The following MYO1G variants were observed in gnomAD, a reference collection of about 807,000 sequenced individuals.
MYO1G encodes myosin IG.
A neutral mutation model predicts 115.3 loss-of-function variants in MYO1G; 65 were observed. That is an observed-to-expected ratio of 0.56 (90% CI 0.46 to 0.69). The LOEUF (loss-of-function observed/expected upper bound fraction) is 0.69, where lower values mean the gene tolerates loss of function less well. Among genes scored for constraint, MYO1G ranks in the 30% least tolerant of loss-of-function variants. The pLI is 0.00. For synonymous variants in MYO1G, 510 were observed against 552.6 expected (o/e 0.92, Z 1.08); for missense variants, 1,204 against 1,393.5 (o/e 0.86, Z 2.16).
In MYO1G at chr7:44,962,823, G is replaced by A; in HGVS notation, c.2973C>T (p.Ile991=). The A allele has an allele frequency of 1.3e-6, 2 of 1,521,506 alleles. No individual in the cohort carries two copies. Among genetic ancestry groups the A allele is most frequent in the Non-Finnish European group, 8.8e-7 (1 of 1,139,584 alleles). The allele number at this position is 1,521,506 out of a possible 1,614,324, so 94.3% of individuals were successfully genotyped here. A position where few individuals can be genotyped will look rare whatever the true frequency, so the allele number is the denominator to read the frequency against. The stretch of plus-strand genomic sequence containing the variant: ...GCTGCTCCGGCCTGGGCTCCACGGA[G>A]ATGAGGCGCCGGACCCCGCGATGGC... ...PLSHRGVRRL[I]SVEPRPEQPE... The change falls in exon 22 of 22, where the codon ATC becomes ATT. Residue 991 remains isoleucine, a synonymous_variant. Coordinates refer to ENST00000258787, the MANE Select transcript of MYO1G (RefSeq NM_033054.3). The surrounding 1 kb of genome is among the most constrained non-coding windows in gnomAD (Gnocchi z 5.3).
At chr7:44,971,227 G>T (rs1470637383) in intron 7 of MYO1G, among the ~76,000 whole-genome samples, 168 bp from the exon 8 acceptor site, 2 of 152,210 alleles carry the variant, frequency 1.3e-5, no homozygotes, top group African/African-American at 4.8e-5. Flanking sequence ...CACAGCCAGA[G>T]ACTGGGGGAA....
intron 12 of MYO1G, among the ~76,000 whole-genome samples, chr7:44,968,205 C>G (rs1794883077): frequency 6.6e-6 from 1 of 152,336 alleles, no homozygotes; most frequent in South Asian, 2.1e-4. Context: ...AAGCCCCCAG[C>G]TCTGAAGCCA....
rs769523482 is a variant in MYO1G, at chr7:44,978,952, C to T, written c.10G>A (p.Glu4Lys). Residue 4 changes from glutamate (E) to lysine (K), a missense_variant, in exon 1 of 22, where the codon GAG becomes AAG. By Grantham distance (56) the Glu-to-Lys change is moderately conservative. Coordinates refer to ENST00000258787, the MANE Select transcript of MYO1G (RefSeq NM_033054.3). MEDEEGPEYGKPDF... is the reference protein window; with the variant it reads MEDKEGPEYGKPDF... ...GGTTTGCCATACTCAGGGCCTTCCTCGTCCTCCATCCTGCCGGCTGGAAAC... is the reference window on the plus strand; with the variant it reads ...GGTTTGCCATACTCAGGGCCTTCCTTGTCCTCCATCCTGCCGGCTGGAAAC... 25 of 1,614,048 alleles carry T rather than the reference C, an allele frequency of 1.5e-5. No homozygotes were observed. The highest frequency in any genetic ancestry group is 4.0e-5 in the African/African-American group (3 of 74,950).
intron 17 of MYO1G, among the ~76,000 whole-genome samples, chr7:44,965,347 C>A (rs1794820826): frequency 6.6e-6 from 1 of 152,222 alleles, no homozygotes; most frequent in African/African-American, 2.4e-5. Flanking sequence ...CCTACTCAGC[C>A]CTCAAGACCC....
At position 44,965,163 on chromosome 7, in the gene MYO1G, G is replaced by A. The variant is rs1306093031; in HGVS notation, c.2382-74C>T. The A allele has an allele frequency of 7.1e-6, 11 of 1,540,766 alleles. No individual in the cohort carries two copies. The East Asian group carries it at 9.1e-5, about 13-fold the overall frequency. ...CTCCCTGAGCCCCCTCTCCACAGAGGAAGCTGAGCCCTCAGCCTGGTGCTG... is the reference window on the plus strand; with the variant it reads ...CTCCCTGAGCCCCCTCTCCACAGAGAAAGCTGAGCCCTCAGCCTGGTGCTG... On this transcript the variant is annotated intron_variant, in intron 17 of 21. Coordinates refer to ENST00000258787, the MANE Select transcript of MYO1G (RefSeq NM_033054.3).
Position 44,963,243 on chromosome 7 carries a change from C to T in MYO1G, c.2746-119G>A. The T allele has an allele frequency of 8.1e-7, 1 of 1,232,500 alleles. No homozygotes were observed. The highest frequency in any genetic ancestry group is 1.1e-6 in the Non-Finnish European group (1 of 940,566). 76.3% of individuals were successfully genotyped at this position (1,232,500 alleles called of 1,614,324 possible). On this transcript the variant is annotated intron_variant, in intron 20 of 21. Transcript: ENST00000258787. The surrounding 1 kb of genome is among the most constrained non-coding windows in gnomAD (Gnocchi z 4.1). ...CCAACCGCACCCGGGGAGCGCCGCC[C>T]TCGCCAGGGCCACCAGCCCCCCACC...
At position 44,966,947 on chromosome 7, in the gene MYO1G, T is replaced by C. The variant is rs1794857623; in HGVS notation, c.1783-109A>G. On this transcript the variant is annotated intron_variant, in intron 14 of 21. Coordinates refer to ENST00000258787, the MANE Select transcript of MYO1G (RefSeq NM_033054.3). The surrounding 1 kb of genome is among the most constrained non-coding windows in gnomAD (Gnocchi z 5.0). Reference sequence around the variant, plus strand: ...CAAGGTCCCAGGCCAGGAGAAGAGTTGGGAACAAAGAAGGGAAATCAGCAG... The same window carrying C: ...CAAGGTCCCAGGCCAGGAGAAGAGTCGGGAACAAAGAAGGGAAATCAGCAG... The C allele has an allele frequency of 2.4e-6, 3 of 1,237,680 alleles. No homozygotes were observed. Among genetic ancestry groups the C allele is most frequent in the Non-Finnish European group, 3.4e-6 (3 of 893,290 alleles). 76.7% of individuals were successfully genotyped at this position (1,237,680 alleles called of 1,614,324 possible).
chr7:44,977,087 G>A lies in MYO1G; in HGVS notation c.96-16C>T, dbSNP rs755243115. 8.1e-6 allele frequency: 13 copies of A among 1,611,094 alleles called. No individual in the cohort carries two copies. Among genetic ancestry groups the A allele is most frequent in the Middle Eastern group, 3.4e-4 (2 of 5,966 alleles). ...CTTCTCGAACCTGGACACAGCAGGG[G>A]TAGGCCTCAGCACTCACAGGCTTAC... On this transcript the variant is annotated splice_polypyrimidine_tract_variant and intron_variant, in intron 1 of 21. Coordinates refer to ENST00000258787, the MANE Select transcript of MYO1G (RefSeq NM_033054.3).
intron 14 of MYO1G, among the ~76,000 whole-genome samples, chr7:44,967,136 T>A (rs919635298): frequency 6.6e-6 from 1 of 152,138 alleles, no homozygotes; most frequent in African/African-American, 2.4e-5. Context: ...GGGGCTGACA[T>A]CTCTGGATGT....
chr7:44,966,797 C>A lies in MYO1G; in HGVS notation c.1824G>T (p.Lys608Asn). 6.2e-7 allele frequency: 1 copy of A among 1,613,446 alleles called. No homozygotes were observed. The change falls in exon 15 of 22, where the codon AAG (lysine) becomes AAT (asparagine). Residue 608 changes from lysine to asparagine, a missense_variant. Coordinates refer to ENST00000258787, the MANE Select transcript of MYO1G (RefSeq NM_033054.3). This position sits in a 1 kb window ranked among gnomAD's most constrained non-coding sequence, Gnocchi z 5.0. ...YVRCIKPNED[K>N]VAGKLDENHC... is the part of the protein sequence containing the mutation. ...GGTTCTCATCCAGCTTCCCAGCTAC[C>A]TTGTCCTCATTGGGCTTGATGCAGC...
Position 44,972,223 on chromosome 7 carries a change from C to T in MYO1G, c.621G>A (p.Leu207=), listed in dbSNP as rs374479311. ...GCTGCTTGTCCTCACTGCCTCTCAG[C>T]AACTAGAGGACACAGGCATCCTTTA... ...GERNFHAFYQ[L]LRGSEDKQLH... is the part of the protein sequence containing the mutation. The change falls in exon 6 of 22, where the codon TTG becomes TTA. Residue 207 remains leucine (L), a splice_region_variant and synonymous_variant. Coordinates refer to ENST00000258787, the MANE Select transcript of MYO1G (RefSeq NM_033054.3). 6.9e-5 allele frequency: 111 copies of T among 1,612,078 alleles called. 1 individual carries two copies. The highest frequency in any genetic ancestry group is 8.2e-5 in the Non-Finnish European group (97 of 1,178,394).
At chr7:44,974,981 A>G (rs562552383) in intron 5 of MYO1G, 193 bp downstream of exon 5, 69 of 672,518 alleles carry the variant, frequency 1.0e-4, no homozygotes, top group Non-Finnish European at 1.3e-4. Flanking sequence ...TGCAAGTCAC[A>G]CCCTCTTGTT....
Position 44,969,246 on chromosome 7 carries a change from C to T in MYO1G, c.1574+167G>A. ...CTCAAACCCTGTTTCCTGCTCTTCA[C>T]TTGTGAATCTGCTGTCCGGCATGTT... is the stretch of plus-strand genomic sequence containing the variant. On this transcript the variant is annotated intron_variant, in intron 12 of 21. Coordinates refer to ENST00000258787, the MANE Select transcript of MYO1G (RefSeq NM_033054.3). The surrounding 1 kb of genome is among the most constrained non-coding windows in gnomAD (Gnocchi z 5.0). The T allele has an allele frequency of 1.4e-6, 1 of 690,636 alleles. No homozygotes were observed. The highest frequency in any genetic ancestry group is 2.6e-6 in the Non-Finnish European group (1 of 379,200). 42.8% of individuals were successfully genotyped at this position (690,636 alleles called of 1,614,324 possible).
chr7:44,965,694 G>A lies in MYO1G; in HGVS notation c.2324C>T (p.Pro775Leu), dbSNP rs745961199. The change falls in exon 17 of 22, where the codon CCG (proline) becomes CTG (leucine). Residue 775 changes from proline to leucine, a missense_variant. Coordinates refer to ENST00000258787, the MANE Select transcript of MYO1G (RefSeq NM_033054.3). ...GGGCTGCAGCACAGCAGGGGGCAGC[G>A]GCCACACAAGGTCACGCCCGTAGAG... Reference protein sequence around the residue: ...PPLYGRDLVWPLPPAVLQPFQ... With the variant: ...PPLYGRDLVWLLPPAVLQPFQ... 5.6e-5 allele frequency: 90 copies of A among 1,613,184 alleles called. 1 individual carries two copies. The highest frequency in any genetic ancestry group is 2.0e-4 in the South Asian group (18 of 91,072).
In MYO1G at chr7:44,966,779, A is replaced by G; in HGVS notation, c.1842T>C (p.Asp614=). Residue 614 remains aspartate, a synonymous_variant, in exon 15 of 22, where the codon GAT becomes GAC. Coordinates refer to ENST00000258787, the MANE Select transcript of MYO1G (RefSeq NM_033054.3). The surrounding 1 kb of genome is among the most constrained non-coding windows in gnomAD (Gnocchi z 5.0). ...PNEDKVAGKL[D]ENHCRHQVAY... ...CGACCTGGTGGCGACAGTGGTTCTCATCCAGCTTCCCAGCTACCTTGTCCT... is the reference window on the plus strand; with the variant it reads ...CGACCTGGTGGCGACAGTGGTTCTCGTCCAGCTTCCCAGCTACCTTGTCCT... 3 of 1,612,330 alleles carry G rather than the reference A, an allele frequency of 1.9e-6. No homozygotes were observed. The highest frequency in any genetic ancestry group is 8.5e-7 in the Non-Finnish European group (1 of 1,178,816).
intron 6 of MYO1G, 123 bp downstream of exon 6, chr7:44,971,992 C>A: frequency 1.2e-6 from 1 of 855,006 alleles, no homozygotes; most frequent in South Asian, 1.5e-5. Flanking sequence ...CCCGAGCACC[C>A]TCCCCACTCA....
chr7:44,977,395 C>T (rs750852984), intron 1 of MYO1G, among the ~76,000 whole-genome samples: 9 of 152,190 alleles, frequency 5.9e-5, no homozygotes, highest in Admixed American at 5.9e-4. Context: ...CACTGGGTGC[C>T]GTGAGTCAGG....
At chr7:44,972,075 A>G in intron 6 of MYO1G, 40 bp downstream of exon 6, 1 of 1,507,044 alleles carries the variant, frequency 6.6e-7, no homozygotes, top group Middle Eastern at 1.8e-4. Context: ...AGGCCCTGAC[A>G]CTGAGCCCAG....
chr7:44,975,464 T>TC lies in MYO1G; in HGVS notation c.564+19dup. The TC allele has an allele frequency of 6.3e-7, 1 of 1,596,244 alleles. No homozygotes were observed. Among genetic ancestry groups the TC allele is most frequent in the Non-Finnish European group, 8.6e-7 (1 of 1,168,716 alleles). ...TCGGCCAGGGCTCCCCATGGAGGTC[T>TC]CCTCAGCCCACCTGCCCACCTTCTC... On this transcript the variant is annotated intron_variant, in intron 4 of 21. Coordinates refer to ENST00000258787, the MANE Select transcript of MYO1G (RefSeq NM_033054.3).
Sources: gnomAD v4.1 joint callset for allele counts (sites outside exome capture counted in the v4.1 genomes callset) on GRCh38, gnomAD v4.1.1 for gene constraint, Gnocchi (gnomAD v3.1) non-coding constraint, MANE v1.5 for transcripts, NCBI Gene and HGNC (gene_info 2026-07-23, HGNC 2026-07-21) for gene names.